NSRP1: variants seen among roughly 807,000 people sequenced by gnomAD.
The protein encoded by NSRP1 is nuclear speckle splicing regulatory protein 1.
In NSRP1, 24 loss-of-function variants were observed where a neutral mutation model predicts 54.7. The ratio of observed to expected loss-of-function variants is 0.44; its 90% confidence interval spans 0.32 to 0.62. NSRP1 has a LOEUF of 0.62. Among genes scored for constraint, NSRP1 ranks in the 20% least tolerant of loss-of-function variants. The pLI, the probability that NSRP1 is intolerant of heterozygous loss-of-function variation, is 0.06. For synonymous variants in NSRP1, 210 were observed against 213.8 expected (o/e 0.98, Z 0.15); for missense variants, 596 against 651.2 (o/e 0.92, Z 0.92).
At chr17:30,175,649 C>A (rs1016200138) in intron 3 of NSRP1, among the ~76,000 whole-genome samples, 3 of 152,014 alleles carry the variant, frequency 2.0e-5, no homozygotes, top group African/African-American at 7.2e-5. Context: ...AGGAGATCCG[C>A]CCGTCTTCGC....
intron 2 of NSRP1, among the ~76,000 whole-genome samples, chr17:30,153,877 G>A (rs1304940111): frequency 1.3e-5 from 2 of 152,156 alleles, no homozygotes; most frequent in African/African-American, 4.8e-5. Flanking sequence ...CACATTTAAT[G>A]TGTTCTATAG....
intron 1 of NSRP1, 196 bp downstream of exon 1, chr17:30,117,059 AG>A: frequency 1.3e-6 from 1 of 785,136 alleles, no homozygotes; most frequent in Admixed American, 1.9e-5. Flanking sequence ...CCGAAGTTTG[AG>A]GGAGAAACTT....
intron 6 of NSRP1, among the ~76,000 whole-genome samples, chr17:30,184,194 AAAAT>A (rs1415413138): frequency 3.3e-5 from 5 of 152,216 alleles, no homozygotes; most frequent in African/African-American, 7.2e-5. Flanking sequence ...AGAATGTCTC[AAAAT>A]AAATAAATAA....
intron 6 of NSRP1, among the ~76,000 whole-genome samples, chr17:30,182,194 T>TTA (rs1170778565): frequency 6.6e-6 from 1 of 152,144 alleles, no homozygotes; most frequent in Non-Finnish European, 1.5e-5. Context: ...AATATAAGTC[T>TTA]TATATACATG....
At chr17:30,162,210 T>G (rs1337547876) in intron 2 of NSRP1, among the ~76,000 whole-genome samples, 1 of 152,038 alleles carries the variant, frequency 6.6e-6, no homozygotes, top group African/African-American at 2.4e-5. Flanking sequence ...TTTTTTACTT[T>G]TAGTAGAGAT....
chr17:30,181,816 G>T (rs1905310127), intron 6 of NSRP1, among the ~76,000 whole-genome samples: 1 of 151,854 alleles, frequency 6.6e-6, no homozygotes, highest in Admixed American at 6.6e-5. Flanking sequence ...CACCATGTTG[G>T]CCAGACTAGT....
intron 1 of NSRP1, 71 bp from the exon 2 acceptor site, chr17:30,118,009 G>A: frequency 8.7e-7 from 1 of 1,147,268 alleles, no homozygotes; most frequent in Non-Finnish European, 1.3e-6. Flanking sequence ...TCATGTGGAA[G>A]AGGTAGTAGA....
At chr17:30,179,915 C>T (rs1330977827) in intron 5 of NSRP1, among the ~76,000 whole-genome samples, 2 of 151,806 alleles carry the variant, frequency 1.3e-5, no homozygotes. Flanking sequence ...TGGCTCACTG[C>T]AGCCCTGACC....
chr17:30,118,315 A>C, intron 2 of NSRP1, 142 bp downstream of exon 2: 1 of 585,320 alleles, frequency 1.7e-6, no homozygotes, highest in East Asian at 2.8e-5. Flanking sequence ...AGGAAGGTGT[A>C]AAGAAAGCAG....
chr17:30,137,866 A>G (rs908867942), intron 2 of NSRP1, among the ~76,000 whole-genome samples: 4 of 152,234 alleles, frequency 2.6e-5, no homozygotes, highest in Non-Finnish European at 4.4e-5. Flanking sequence ...TATGCATAAC[A>G]TAAAATTTAC....
At chr17:30,178,993 G>A in intron 4 of NSRP1, 97 bp from the exon 5 acceptor site, 1 of 676,324 alleles carries the variant, frequency 1.5e-6, no homozygotes. Flanking sequence ...TCTTATTTGG[G>A]CCAATCATTT....
intron 2 of NSRP1, among the ~76,000 whole-genome samples, chr17:30,154,241 A>G (rs889392143): frequency 6.6e-6 from 1 of 151,824 alleles, no homozygotes; most frequent in African/African-American, 2.4e-5. Context: ...GAATTGCTTG[A>G]GCCTGGGAGC....
At chr17:30,160,110 T>G (rs1904459983) in intron 2 of NSRP1, among the ~76,000 whole-genome samples, 1 of 152,238 alleles carries the variant, frequency 6.6e-6, no homozygotes, top group African/African-American at 2.4e-5. Flanking sequence ...ATTTATTGAT[T>G]TGCATATGGT....
At chr17:30,131,255 C>T (rs1311892199) in intron 2 of NSRP1, among the ~76,000 whole-genome samples, 1 of 152,094 alleles carries the variant, frequency 6.6e-6, no homozygotes, top group Non-Finnish European at 1.5e-5. Flanking sequence ...TTTTCTTTAG[C>T]TCTACAGTTT....
At position 30,147,267 on chromosome 17, in the gene NSRP1, T is replaced by A. The variant is rs962143450; in HGVS notation, c.115-25275T>A. On this transcript the variant is annotated intron_variant, in intron 2 of 6. Coordinates refer to ENST00000247026, the MANE Select transcript of NSRP1 (RefSeq NM_032141.4). Reference sequence around the variant, plus strand: ...CCTCAGCCTCCCAAGTAGCTGGGATTACAGGCCTCCGCCACCATGCCCCAG... The same window carrying A: ...CCTCAGCCTCCCAAGTAGCTGGGATAACAGGCCTCCGCCACCATGCCCCAG... Among the ~76,000 whole-genome samples, 3 of 151,996 alleles carry A rather than the reference T, an allele frequency of 2.0e-5. 1 individual carries two copies. The highest frequency in any genetic ancestry group is 6.5e-5 in the Admixed American group (1 of 15,270).
At chr17:30,152,475 A>G (rs1024279660) in intron 2 of NSRP1, among the ~76,000 whole-genome samples, 1 of 145,024 alleles carries the variant, frequency 6.9e-6, no homozygotes, top group African/African-American at 2.6e-5. Flanking sequence ...AGCTACACAG[A>G]TTTTGTCATG....
chr17:30,124,721 TAGAG>T (rs1366253813), intron 2 of NSRP1, among the ~76,000 whole-genome samples: 1 of 152,182 alleles, frequency 6.6e-6, no homozygotes, highest in Non-Finnish European at 1.5e-5. Context: ...GATTCAGTCT[TAGAG>T]AGAAAGGTTC....
rs1401831802 is a variant in NSRP1 at position 30,177,143 on chromosome 17, G to C, written c.172-928G>C. Among the ~76,000 whole-genome samples, 3 of 151,924 alleles carry C rather than the reference G, an allele frequency of 2.0e-5. No individual in the cohort carries two copies. The South Asian group carries it at 6.2e-4, about 32-fold the overall frequency. On this transcript the variant is annotated intron_variant, in intron 3 of 6. Transcript: ENST00000247026. ...CAGCACTTTGGGGGGCGCTGAGGTGGGTGGATCATTTGAGCCCAGGAGTTC... is the reference window on the plus strand; with the variant it reads ...CAGCACTTTGGGGGGCGCTGAGGTGCGTGGATCATTTGAGCCCAGGAGTTC...
At chr17:30,144,691 G>T (rs772096840) in intron 2 of NSRP1, 1 of 152,090 alleles carries the variant, frequency 6.6e-6, no homozygotes, top group Non-Finnish European at 1.5e-5. Flanking sequence ...CTGGAAGTAC[G>T]ACATCTCTTT....
Sources: allele counts gnomAD v4.1 joint callset (sites outside exome capture counted in the v4.1 genomes callset), GRCh38; gene constraint gnomAD v4.1.1; transcripts MANE v1.5; gene names NCBI Gene and HGNC (gene_info 2026-07-23, HGNC 2026-07-21).